The following COL6A3 variants were observed in gnomAD, a reference collection of about 807,000 sequenced individuals.
COL6A3 encodes the protein collagen alpha-3(VI) chain.
In COL6A3, 137 loss-of-function variants were observed where a neutral mutation model predicts 274.1. The observed-to-expected ratio is 0.50, with a 90% confidence interval of 0.44 to 0.58. COL6A3 has a LOEUF of 0.58. Among genes scored for constraint, COL6A3 ranks in the 20% least tolerant of loss-of-function variants. The pLI, the probability that COL6A3 is intolerant of heterozygous loss-of-function variation, is 0.00. For synonymous variants in COL6A3, 1,650 were observed against 1,650.6 expected, an observed-to-expected ratio of 1.00 and a Z score of 0.01; for missense variants, 3,950 against 4,124.9, an observed-to-expected ratio of 0.96 and a Z score of 1.16.
chr2:237,359,007 A>G, intron 20 of COL6A3, 28 bp downstream of exon 20: 1 of 1,606,008 alleles, frequency 6.2e-7, no homozygotes, highest in Non-Finnish European at 8.5e-7. Flanking sequence ...TTCTTTCCAT[A>G]ATAGCACCAC....
chr2:237,372,227 C>G lies in COL6A3; in HGVS notation c.3790G>C (p.Val1264Leu). 6.2e-7 allele frequency: 1 copy of G among 1,614,100 alleles called. No individual in the cohort carries two copies. The highest frequency in any genetic ancestry group is 8.5e-7 in the Non-Finnish European group (1 of 1,180,038). The change falls in exon 9 of 44, where the codon GTG (valine) becomes CTG (leucine). Residue 1264 changes from valine to leucine, a missense_variant. By Grantham distance (32) the Val-to-Leu change is conservative. Coordinates refer to ENST00000295550, the MANE Select transcript of COL6A3 (RefSeq NM_004369.4). ...GCCACCCGGGTGGTGTCAAAGCCCA[C>G]GTCCAGGTAGTCAACCAGCCTCTCT... ...LIERLVDYLD[V>L]GFDTTRVAVI...
chr2:237,404,690 C>G (rs2078678802), intron 1 of COL6A3, among the ~76,000 whole-genome samples: 3 of 152,258 alleles, frequency 2.0e-5, no homozygotes, highest in Non-Finnish European at 2.9e-5. Flanking sequence ...CTTAATCATT[C>G]CCATACCTCA....
At chr2:237,399,475 TTCA>T (rs1440139920) in intron 1 of COL6A3, among the ~76,000 whole-genome samples, 24 of 152,340 alleles carry the variant, frequency 1.6e-4, no homozygotes. Context: ...CAACGTTTCA[TTCA>T]TCAGCATTTC....
At chr2:237,339,504 T>G (rs1315985721) in intron 38 of COL6A3, among the ~76,000 whole-genome samples, 1 of 152,238 alleles carries the variant, frequency 6.6e-6, no homozygotes, top group East Asian at 1.9e-4. Context: ...AAGCTTTTGT[T>G]TTTAATCTTT....
At chr2:237,363,523 T>G in intron 13 of COL6A3, 125 bp from the exon 14 acceptor site, 1 of 1,072,392 alleles carries the variant, frequency 9.3e-7, no homozygotes, top group Non-Finnish European at 1.4e-6. Context: ...TAAATATATT[T>G]AATCAAGTTT....
chr2:237,351,082 C>T, intron 27 of COL6A3, 48 bp downstream of exon 27: 1 of 1,583,904 alleles, frequency 6.3e-7, no homozygotes, highest in South Asian at 1.1e-5. Context: ...GCATGTGTGC[C>T]TGGCTGGTCC....
chr2:237,353,510 A>G, intron 24 of COL6A3, 107 bp from the exon 25 acceptor site: 1 of 932,810 alleles, frequency 1.1e-6, no homozygotes. Context: ...GCAACCAGGG[A>G]AAACTCAGCT....
In COL6A3 at chr2:237,378,721, G is replaced by A; in HGVS notation, c.2412C>T (p.Ser804=). The change falls in exon 6 of 44, where the codon TCC becomes TCT. Residue 804 remains serine, a synonymous_variant. Coordinates refer to ENST00000295550, the MANE Select transcript of COL6A3 (RefSeq NM_004369.4). ...TCAGCTGCTGAGGCAAAGCTGGCAG[G>A]GAGCTGAAATCATCCATGAGATACA... ...SLVYLMDDFS[S]LPALPQQLIQ... The A allele has an allele frequency of 3.7e-6, 6 of 1,614,016 alleles. No homozygotes were observed. The highest frequency in any genetic ancestry group is 5.1e-6 in the Non-Finnish European group (6 of 1,180,046).
chr2:237,403,802 A>G (rs936211149), intron 1 of COL6A3, among the ~76,000 whole-genome samples: 3 of 151,280 alleles, frequency 2.0e-5, no homozygotes, highest in Non-Finnish European at 4.4e-5. Context: ...TCCTCCCTCC[A>G]CTTAGGTTGA....
chr2:237,376,705 G>A, intron 7 of COL6A3, 67 bp downstream of exon 7: 1 of 1,525,016 alleles, frequency 6.6e-7, no homozygotes. Flanking sequence ...CCAGTGGCCA[G>A]CAGCCTACCC....
At position 237,351,162 on chromosome 2, in the gene COL6A3, C is replaced by A; in HGVS notation, c.6784G>T (p.Glu2262Ter). 2 of 1,614,246 alleles carry A rather than the reference C, an allele frequency of 1.2e-6. No individual in the cohort carries two copies. The highest frequency in any genetic ancestry group is 1.7e-6 in the Non-Finnish European group (2 of 1,180,036). The change falls in exon 27 of 44, where the codon GAA becomes TAA. Residue 2262 changes from glutamate to a stop codon, truncating the protein, a stop_gained. Coordinates refer to ENST00000295550, the MANE Select transcript of COL6A3 (RefSeq NM_004369.4). LOFTEE classifies it high-confidence loss of function. ...CCCAGTGGACCGGTTCTGCCTCGTT[C>A]TCCAGGAGCACCAGCGGCACCTCCG... Reference protein sequence around the residue: ...GSGGAAGAPGERGRTGPLGRK... With the variant: ...GSGGAAGAPG
rs565366400 is a variant in COL6A3, at chr2:237,371,796, G to C, written c.4221C>G (p.Pro1407=). 3.7e-6 allele frequency: 6 copies of C among 1,613,876 alleles called. No homozygotes were observed. The East Asian group carries it at 1.3e-4, about 36-fold the overall frequency. ...TCTGCTCTGAGGTCAGGGTCGTGAT[G>C]GGCGTCAGCAGTTTCTGCTCCAGGC... is the stretch of plus-strand genomic sequence containing the variant. ...LPSLEQKLLT[P]ITTLTSEQIQ... is the part of the protein sequence containing the mutation. The change falls in exon 9 of 44, where the codon CCC becomes CCG. Residue 1407 remains proline, a synonymous_variant. Transcript: ENST00000295550. This position sits in a 1 kb window ranked among gnomAD's most constrained non-coding sequence, Gnocchi z 4.3.
chr2:237,398,296 G>C (rs970455831), intron 1 of COL6A3, among the ~76,000 whole-genome samples: 1 of 152,158 alleles, frequency 6.6e-6, no homozygotes, highest in Non-Finnish European at 1.5e-5. Context: ...CCATACCCAC[G>C]CGCCTCTGGG....
rs115548605 is a variant in COL6A3 at position 237,371,848 on chromosome 2, G to A, written c.4169C>T (p.Ser1390Leu). Residue 1390 changes from serine (S) to leucine (L), a missense_variant, in exon 9 of 44, where the codon TCG (serine) becomes TTG (leucine). Ser to Leu is a moderately radical substitution (Grantham distance 145, BLOSUM62 -2). Transcript: ENST00000295550. This position sits in a 1 kb window ranked among gnomAD's most constrained non-coding sequence, Gnocchi z 4.3. ...GGGCAGCTCCCGGAAGGTGCTCACC[G>A]AGAACACATATTCGGGGCTCAGCGA... is the stretch of plus-strand genomic sequence containing the variant. ...KISLSPEYVF[S>L]VSTFRELPSL... 303 of 1,609,404 alleles carry A rather than the reference G, an allele frequency of 1.9e-4. No homozygotes were observed. The African/African-American group carries it at 2.3e-3, about 12-fold the overall frequency.
chr2:237,359,188 T>C lies in COL6A3; in HGVS notation c.6354+18A>G, dbSNP rs774579188. The C allele has an allele frequency of 6.2e-7, 1 of 1,614,214 alleles. No homozygotes were observed. The highest frequency in any genetic ancestry group is 1.1e-5 in the South Asian group (1 of 91,072). On this transcript the variant is annotated intron_variant, in intron 19 of 43. Coordinates refer to ENST00000295550, the MANE Select transcript of COL6A3 (RefSeq NM_004369.4). ...TTCAGAACCAAAAGCAGTTTGGACTTAGAGTAAAATCACTTACATCTTCAC... is the reference window on the plus strand; with the variant it reads ...TTCAGAACCAAAAGCAGTTTGGACTCAGAGTAAAATCACTTACATCTTCAC...
At position 237,410,409 on chromosome 2, in the gene COL6A3, G is replaced by A. The variant is rs2078829071; in HGVS notation, c.-31+3544C>T. On this transcript the variant is annotated intron_variant, in intron 1 of 43. Transcript: ENST00000295550. ...CAGCCTCAACCTCCCAGGCTCAAGT[G>A]ATCCTCCCAACTCAGCCTCGTAGCT... is the stretch of plus-strand genomic sequence containing the variant. Among the ~76,000 whole-genome samples the A allele has an allele frequency of 3.3e-5, 5 of 150,078 alleles. No homozygotes were observed. In the Admixed American group the frequency reaches 3.4e-4, roughly 10 times the overall value.
chr2:237,335,038 C>A, intron 40 of COL6A3, 149 bp from the exon 41 acceptor site: 1 of 832,574 alleles, frequency 1.2e-6, no homozygotes. Context: ...TTGTTCAAGC[C>A]CCTAAAAAAC....
chr2:237,340,689 G>A lies in COL6A3; in HGVS notation c.8227C>T (p.Leu2743=). 6.2e-7 allele frequency: 1 copy of A among 1,614,200 alleles called. No individual in the cohort carries two copies. Among genetic ancestry groups the A allele is most frequent in the Non-Finnish European group, 8.5e-7 (1 of 1,180,048 alleles). ...PRDLKIVVLM[L]TGEVPEQQLE... The stretch of plus-strand genomic sequence containing the variant: ...TGCTGCTCCGGCACCTCGCCCGTCA[G>A]CATCAGGACCACAATTTTCAGGTCC... Residue 2743 remains leucine (L), a synonymous_variant, in exon 38 of 44, where the codon CTG becomes TTG. Coordinates refer to ENST00000295550, the MANE Select transcript of COL6A3 (RefSeq NM_004369.4).
Position 237,374,286 on chromosome 2 carries a change from CT to C in COL6A3, c.3679+125del. On this transcript the variant is annotated intron_variant, in intron 8 of 43. Transcript: ENST00000295550. The surrounding 1 kb of genome is among the most constrained non-coding windows in gnomAD (Gnocchi z 4.8). The stretch of plus-strand genomic sequence containing the variant: ...AGGGCATGTGGGTTCCTAAATTTTC[CT>C]GTAATTTTAGTTTTCACTTCACATG... 1 of 1,405,888 alleles carries C rather than the reference CT, an allele frequency of 7.1e-7. No homozygotes were observed. Among genetic ancestry groups the C allele is most frequent in the Non-Finnish European group, 9.9e-7 (1 of 1,009,654 alleles). 87.1% of individuals were successfully genotyped at this position (1,405,888 alleles called of 1,614,324 possible). A position where few individuals can be genotyped will look rare whatever the true frequency, so the allele number is the denominator to read the frequency against.
Sources: allele counts gnomAD v4.1 joint callset (sites outside exome capture counted in the v4.1 genomes callset), GRCh38; gene constraint gnomAD v4.1.1; non-coding constraint Gnocchi (gnomAD v3.1); transcripts MANE v1.5; gene names NCBI Gene and HGNC (gene_info 2026-07-23, HGNC 2026-07-21).